BCLAF3: variants seen among roughly 807,000 people sequenced by gnomAD.
The protein encoded by BCLAF3 is BCLAF1 and THRAP3 family member 3.
Under a neutral mutation model 51.2 loss-of-function variants are expected in BCLAF3, and 24 were observed. That is an observed-to-expected ratio of 0.47 (90% CI 0.34 to 0.66). The LOEUF (loss-of-function observed/expected upper bound fraction) is 0.66, where lower values mean the gene tolerates loss of function less well. BCLAF3 is among the 30% of genes least tolerant of loss of function. The probability of loss-of-function intolerance (pLI) is 0.01; values close to 1 mark genes in which losing one functional copy is unlikely to be tolerated. For synonymous variants in BCLAF3, 152 were observed against 176.6 expected, an observed-to-expected ratio of 0.86 and a Z score of 1.10; for missense variants, 465 against 525.1, an observed-to-expected ratio of 0.89 and a Z score of 1.12.
Position 19,966,914 on chromosome X carries a change from A to T in BCLAF3, c.42-265T>A, listed in dbSNP as rs2072079625. Among the ~76,000 whole-genome samples, 3 of 111,253 alleles carry T rather than the reference A, an allele frequency of 2.7e-5. No homozygotes were observed. The South Asian group carries it at 1.1e-3, about 42-fold the overall frequency. Reference sequence around the variant, plus strand: ...GAGCTGAGCACACCTGTCCCATTGGAGGAGGGCCAGCTTAGGTGCACAGCA... The same window carrying T: ...GAGCTGAGCACACCTGTCCCATTGGTGGAGGGCCAGCTTAGGTGCACAGCA... On this transcript the variant is annotated intron_variant, in intron 2 of 11. Coordinates refer to ENST00000379682, the MANE Select transcript of BCLAF3 (RefSeq NM_001367774.2).
chrX:19,953,854 G>A lies in BCLAF3; in HGVS notation c.1489C>T (p.Arg497Cys). Residue 497 changes from arginine to cysteine, a missense_variant, in exon 6 of 12, where the codon CGT becomes TGT. By Grantham distance (180) the Arg-to-Cys change is radical. Transcript: ENST00000379682. ...TGTATATCTTGCATTGTTGAGAAAC[G>A]CTCATGTAAAGTAATGCCAGGTGAT... is the stretch of plus-strand genomic sequence containing the variant. ...FPSPGITLHE[R>C]FSTMQDIHKA... The A allele has an allele frequency of 8.3e-7, 1 of 1,207,235 alleles. No homozygotes were observed.
chrX:19,955,667 CT>C, intron 4 of BCLAF3, 101 bp from the exon 5 acceptor site: 1 of 691,824 alleles, frequency 1.4e-6, no homozygotes, highest in Non-Finnish European at 2.1e-6. Context: ...AGATGTATAT[CT>C]TTTCTTATAA....
At chrX:19,956,698 C>T (rs1227780306) in intron 4 of BCLAF3, among the ~76,000 whole-genome samples, 2 of 111,189 alleles carry the variant, frequency 1.8e-5, no homozygotes, top group East Asian at 2.8e-4. Context: ...CTCTAAATTG[C>T]TTTTGGCTCT....
chrX:19,927,159 G>A lies in BCLAF3; in HGVS notation c.2106+2626C>T, dbSNP rs758179002. Among the ~76,000 whole-genome samples the A allele has an allele frequency of 2.7e-5, 3 of 110,599 alleles. No homozygotes were observed. The East Asian group carries it at 8.5e-4, about 31-fold the overall frequency. On this transcript the variant is annotated intron_variant, in intron 11 of 11. Coordinates refer to ENST00000379682, the MANE Select transcript of BCLAF3 (RefSeq NM_001367774.2). The stretch of plus-strand genomic sequence containing the variant: ...GGAGAATCACTGGAACCCGGGAGGC[G>A]GAGGTTGCAGTGAGCCGAGATGGTG...
chrX:19,975,308 T>G (rs964737463), intron 1 of BCLAF3, among the ~76,000 whole-genome samples: 2 of 110,934 alleles, frequency 1.8e-5, no homozygotes, highest in Non-Finnish European at 3.8e-5. Context: ...CTAAAATATT[T>G]ACTATATGGT....
chrX:19,948,010 A>G (rs181181505), intron 8 of BCLAF3, among the ~76,000 whole-genome samples: 59 of 112,666 alleles, frequency 5.2e-4, no homozygotes, highest in African/African-American at 1.8e-3. Context: ...TCTTATTTAA[A>G]TAAGGAAACT....
intron 1 of BCLAF3, among the ~76,000 whole-genome samples, chrX:19,988,145 T>C (rs1215260242): frequency 2.7e-5 from 3 of 112,189 alleles, no homozygotes. Context: ...CTGGATAATG[T>C]AGCCTGCAGG....
chrX:19,975,253 A>AG (rs1235964477), intron 1 of BCLAF3, among the ~76,000 whole-genome samples: 3 of 111,172 alleles, frequency 2.7e-5, no homozygotes, highest in South Asian at 3.7e-4. Context: ...AAAAAAAAAA[A>AG]AAGAAGAAGA....
At chrX:19,972,077 C>T (rs373541559) in intron 1 of BCLAF3, among the ~76,000 whole-genome samples, 98 of 112,488 alleles carry the variant, frequency 8.7e-4, no homozygotes, top group Middle Eastern at 4.6e-3. Context: ...TAGTTATACA[C>T]AGCCTCTTTC....
chrX:19,948,020 T>C (rs979165170), intron 8 of BCLAF3, among the ~76,000 whole-genome samples: 1 of 112,387 alleles, frequency 8.9e-6, no homozygotes, highest in Non-Finnish European at 1.9e-5. Flanking sequence ...ATAAGGAAAC[T>C]GAATTAGGAT....
At position 19,915,727 on chromosome X, in the gene BCLAF3, A is replaced by G. The variant is rs924811923; in HGVS notation, c.*1578T>C. The G allele has an allele frequency of 1.4e-4, 16 of 112,173 alleles. No homozygotes were observed. The highest frequency in any genetic ancestry group is 5.2e-4 in the African/African-American group (16 of 30,954). 9.2% of individuals were successfully genotyped at this position (112,173 alleles called of 1,213,427 possible). ...GTATCTGTGCAATACATAGTTGTCA[A>G]TCAAATGATTAAATATTCAAAGCTC... On this transcript the variant is annotated 3_prime_UTR_variant, in exon 12 of 12. Coordinates refer to ENST00000379682, the MANE Select transcript of BCLAF3 (RefSeq NM_001367774.2).
intron 8 of BCLAF3, among the ~76,000 whole-genome samples, chrX:19,938,114 T>C (rs776799726): frequency 3.5e-4 from 39 of 111,400 alleles, no homozygotes; most frequent in Middle Eastern, 4.6e-3. Flanking sequence ...GGCAGCCCTA[T>C]CTGGGAGGGA....
At chrX:19,938,344 C>T (rs1246342480) in intron 8 of BCLAF3, among the ~76,000 whole-genome samples, 5 of 111,457 alleles carry the variant, frequency 4.5e-5, no homozygotes, top group Non-Finnish European at 9.4e-5. Flanking sequence ...TCTGCTCTGG[C>T]CCTTGCTACC....
intron 11 of BCLAF3, among the ~76,000 whole-genome samples, chrX:19,924,098 C>A (rs2070280839): frequency 9.0e-6 from 1 of 111,060 alleles, no homozygotes; most frequent in African/African-American, 3.3e-5. Flanking sequence ...CCGCACCCAG[C>A]TGCAAGTTTG....
chrX:19,932,251 G>A (rs1004076483), intron 10 of BCLAF3, among the ~76,000 whole-genome samples: 4 of 111,908 alleles, frequency 3.6e-5, no homozygotes, highest in Non-Finnish European at 1.9e-5. Context: ...AGTTACATGG[G>A]AAGAGTTTTG....
Position 19,935,910 on chromosome X carries a change from AAAG to A in BCLAF3, c.1861-15_1861-13del. 1 of 1,164,205 alleles carries A rather than the reference AAAG, an allele frequency of 8.6e-7. No homozygotes were observed. Among genetic ancestry groups the A allele is most frequent in the Non-Finnish European group, 1.2e-6 (1 of 853,339 alleles). ...TGCGTAGTATAATTCTGCACGAAAAAAAGTAGTAGTGTGGGTTAACAGACTTTA... is the reference window on the plus strand; with the variant it reads ...TGCGTAGTATAATTCTGCACGAAAAATAGTAGTGTGGGTTAACAGACTTTA... On this transcript the variant is annotated splice_polypyrimidine_tract_variant and intron_variant, in intron 9 of 11. Transcript: ENST00000379682.
At position 19,970,326 on chromosome X, in the gene BCLAF3, T is replaced by C. The variant is rs1455749796; in HGVS notation, c.-34-28A>G. The stretch of plus-strand genomic sequence containing the variant: ...GCAAAGAAACACAGGATTAGCAGGT[T>C]TGTAGAAAGACCCTACAATTTGATC... On this transcript the variant is annotated intron_variant, in intron 1 of 11. Transcript: ENST00000379682. 3 of 1,176,467 alleles carry C rather than the reference T, an allele frequency of 2.6e-6. No homozygotes were observed. The African/African-American group carries it at 5.3e-5, about 21-fold the overall frequency.
At chrX:19,934,470 G>A (rs1312859962) in intron 10 of BCLAF3, among the ~76,000 whole-genome samples, 1 of 111,603 alleles carries the variant, frequency 9.0e-6, no homozygotes, top group African/African-American at 3.3e-5. Context: ...TATATTCTAC[G>A]GCCGTAATTA....
chrX:19,989,203 A>G (rs942128849), intron 1 of BCLAF3, among the ~76,000 whole-genome samples: 1 of 110,997 alleles, frequency 9.0e-6, no homozygotes, highest in Non-Finnish European at 1.9e-5. Context: ...TACACTTAGA[A>G]AGTAATCATG....
Sources: gnomAD v4.1 joint callset for allele counts (sites outside exome capture counted in the v4.1 genomes callset) on GRCh38, gnomAD v4.1.1 for gene constraint, MANE v1.5 for transcripts, NCBI Gene and HGNC (gene_info 2026-07-23, HGNC 2026-07-21) for gene names.